Variants in DIAPH3 observed in about 807,000 individuals in gnomAD.
The protein encoded by DIAPH3 is diaphanous related formin 3.
DIAPH3 carries 117 observed loss-of-function variants against 144.3 expected under a neutral mutation model. That is an observed-to-expected ratio of 0.81 (90% confidence interval 0.70 to 0.95). DIAPH3 has a LOEUF of 0.95. DIAPH3 is among the 40% of genes least tolerant of loss of function. The probability of loss-of-function intolerance (pLI) is 0.00; values close to 1 mark genes in which losing one functional copy is unlikely to be tolerated. For missense variants in DIAPH3, 1,421 were observed against 1,412.7 expected, an observed-to-expected ratio of 1.01 and a Z score of -0.09; for synonymous variants, 519 against 488.9, an observed-to-expected ratio of 1.06 and a Z score of -0.81.
At chr13:60,130,195 T>A (rs915137947) in intron 2 of DIAPH3, among the ~76,000 whole-genome samples, 1 of 152,186 alleles carries the variant, frequency 6.6e-6, no homozygotes, top group Non-Finnish European at 1.5e-5. Context: ...CAGTCAACAA[T>A]GAATAAGAAA....
intron 27 of DIAPH3, among the ~76,000 whole-genome samples, chr13:59,749,773 A>G (rs2036906139): frequency 6.6e-6 from 1 of 152,268 alleles, no homozygotes; most frequent in South Asian, 2.1e-4. Flanking sequence ...ATAAATTTCA[A>G]GTTTTTTCTC....
In DIAPH3 at chr13:59,850,689, G is replaced by A. The variant is rs76929441; in HGVS notation, c.2737+10718C>T. On this transcript the variant is annotated intron_variant, in intron 22 of 27. Transcript: ENST00000400324. The stretch of plus-strand genomic sequence containing the variant: ...TGAAGCCCACTTGATCATGATAAAG[G>A]GGATATCACCACTGATCCCACAGAA... 4.3e-4 allele frequency among the ~76,000 whole-genome samples: 66 copies of A among 152,094 alleles called. No homozygotes were observed. In the East Asian group the frequency reaches 0.013, roughly 29 times the overall value.
intron 25 of DIAPH3, among the ~76,000 whole-genome samples, chr13:59,776,526 C>T (rs1352617489): frequency 2.0e-5 from 3 of 151,150 alleles, no homozygotes; most frequent in Non-Finnish European, 4.4e-5. Flanking sequence ...TCTAAAATTA[C>T]AATTTTAAAT....
At chr13:59,851,195 T>C (rs1042489872) in intron 22 of DIAPH3, among the ~76,000 whole-genome samples, 1 of 152,164 alleles carries the variant, frequency 6.6e-6, no homozygotes, top group African/African-American at 2.4e-5. Flanking sequence ...AGTCAAATCT[T>C]TACAATGGAC....
intron 7 of DIAPH3, chr13:60,013,332 C>T (rs3809332): frequency 0.062 from 27,084 of 440,184 alleles, 1,101 homozygotes; most frequent in East Asian, 0.28. Context: ...AACATCTGGA[C>T]GCACACAGCA....
chr13:60,077,608 G>A (rs906684090), intron 4 of DIAPH3, among the ~76,000 whole-genome samples: 1 of 152,036 alleles, frequency 6.6e-6, no homozygotes, highest in African/African-American at 2.4e-5. Context: ...TGTTACAGGA[G>A]GAGGCAGTCT....
chr13:59,916,067 G>T, intron 19 of DIAPH3, 88 bp downstream of exon 19: 2 of 1,107,244 alleles, frequency 1.8e-6, no homozygotes, highest in Non-Finnish European at 2.8e-6. Context: ...AATGATTTGG[G>T]TGAAGAATTT....
At chr13:59,950,208 T>C (rs75128140) in intron 17 of DIAPH3, among the ~76,000 whole-genome samples, 5,581 of 152,246 alleles carry the variant, frequency 0.037, 134 homozygotes, top group East Asian at 0.074. Flanking sequence ...CTCCCTAATG[T>C]AAACACAACT....
intron 25 of DIAPH3, among the ~76,000 whole-genome samples, chr13:59,792,074 T>C (rs963686274): frequency 6.6e-6 from 1 of 152,146 alleles, no homozygotes; most frequent in Non-Finnish European, 1.5e-5. Context: ...TTCTTCACCA[T>C]ACACTCCTTT....
intron 27 of DIAPH3, among the ~76,000 whole-genome samples, chr13:59,716,081 T>G (rs1482652578): frequency 6.6e-6 from 1 of 152,210 alleles, no homozygotes; most frequent in Non-Finnish European, 1.5e-5. Context: ...GACATGCTCA[T>G]CTTTTGATGA....
intron 27 of DIAPH3, among the ~76,000 whole-genome samples, chr13:59,736,740 C>T (rs1441901612): frequency 2.0e-5 from 3 of 152,116 alleles, no homozygotes; most frequent in Admixed American, 6.5e-5. Context: ...GGAAGCATCA[C>T]GCTAGCCAAC....
intron 3 of DIAPH3, among the ~76,000 whole-genome samples, chr13:60,095,014 T>G (rs1229301387): frequency 7.0e-6 from 1 of 143,318 alleles, no homozygotes; most frequent in Non-Finnish European, 1.5e-5. Flanking sequence ...ATTTTGGAAA[T>G]TTTGGAAACT....
At chr13:59,798,216 T>C (rs1468417155) in intron 25 of DIAPH3, among the ~76,000 whole-genome samples, 1 of 152,224 alleles carries the variant, frequency 6.6e-6, no homozygotes, top group African/African-American at 2.4e-5. Context: ...GCAAGTGTCC[T>C]AATTAGTCTC....
At chr13:59,834,205 G>T (rs1423822908) in intron 23 of DIAPH3, among the ~76,000 whole-genome samples, 2 of 151,538 alleles carry the variant, frequency 1.3e-5, no homozygotes, top group Non-Finnish European at 3.0e-5. Flanking sequence ...TTTCTTGTGT[G>T]GCAAATTGCT....
rs1472152778 is a variant in DIAPH3, at chr13:59,709,678, G to T, written c.3320-42832C>A. Among the ~76,000 whole-genome samples the T allele has an allele frequency of 8.5e-5, 13 of 152,296 alleles. No homozygotes were observed. The East Asian group carries it at 1.4e-3, about 16-fold the overall frequency. ...TAAACTAGTTCAACCGTTGTGGAAG[G>T]CAGTGTGGCGATTCCTCAGGGATCT... On this transcript the variant is annotated intron_variant, in intron 27 of 27. Transcript: ENST00000400324.
intron 27 of DIAPH3, among the ~76,000 whole-genome samples, chr13:59,762,152 G>A (rs148566753): frequency 1.6e-4 from 22 of 141,484 alleles, no homozygotes; most frequent in African/African-American, 5.5e-4. Flanking sequence ...TCTTCCTCCT[G>A]AGTTCAAGCG....
intron 3 of DIAPH3, among the ~76,000 whole-genome samples, chr13:60,105,223 G>A (rs761990251): frequency 1.3e-5 from 2 of 150,992 alleles, no homozygotes; most frequent in Non-Finnish European, 1.5e-5. Flanking sequence ...AGGATAAAAT[G>A]GTCATTTGAC....
chr13:60,103,216 T>C (rs571950447), intron 3 of DIAPH3, among the ~76,000 whole-genome samples: 1 of 152,024 alleles, frequency 6.6e-6, no homozygotes, highest in East Asian at 1.9e-4. Context: ...GTTGGAGCAC[T>C]AAGGCACAAT....
intron 3 of DIAPH3, among the ~76,000 whole-genome samples, chr13:60,110,273 T>C (rs1252545579): frequency 1.3e-5 from 2 of 152,180 alleles, no homozygotes; most frequent in African/African-American, 4.8e-5. Flanking sequence ...GATGCAAACT[T>C]TAAATAGTAT....
Sources: gnomAD v4.1 joint callset for allele counts (sites outside exome capture counted in the v4.1 genomes callset) on GRCh38, gnomAD v4.1.1 for gene constraint, MANE v1.5 for transcripts, NCBI Gene and HGNC (gene_info 2026-07-23, HGNC 2026-07-21) for gene names.